KLHL29: variants seen among roughly 807,000 people sequenced by gnomAD.
KLHL29 encodes kelch-like protein 29.
A neutral mutation model predicts 80.4 loss-of-function variants in KLHL29; 21 were observed. That is an observed-to-expected ratio of 0.26 (90% CI 0.19 to 0.38). KLHL29 has a LOEUF of 0.38. Ranked by LOEUF, KLHL29 falls within the 10% of genes least tolerant of loss-of-function variation. KLHL29 has a pLI of 1.00. For missense variants in KLHL29, 867 were observed against 1,223.9 expected (o/e 0.71, Z 4.35); for synonymous variants, 511 against 526.8 (o/e 0.97, Z 0.41).
At chr2:23,642,977 C>A in intron 5 of KLHL29, 127 bp downstream of exon 5, 1 of 1,134,756 alleles carries the variant, frequency 8.8e-7, no homozygotes, top group Non-Finnish European at 1.3e-6. Context: ...AACCCAGAGG[C>A]TGCAGTGGAG....
chr2:23,581,955 G>C (rs1667995493), intron 3 of KLHL29, among the ~76,000 whole-genome samples: 1 of 151,968 alleles, frequency 6.6e-6, no homozygotes, highest in South Asian at 2.1e-4. Context: ...CATCAAGTGG[G>C]TTGCTTTCTG....
Position 23,596,487 on chromosome 2 carries a change from G to A in KLHL29, c.285+34006G>A, listed in dbSNP as rs540692131. Among the ~76,000 whole-genome samples, 1 of 152,274 alleles carries A rather than the reference G, an allele frequency of 6.6e-6. No individual in the cohort carries two copies. The highest frequency in any genetic ancestry group is 2.4e-5 in the African/African-American group (1 of 41,564). ...ACAGAGTCACTAGGAGGCTCGCTGTGATTTATCAGGGGCCATGCCACACTG... is the reference window on the plus strand; with the variant it reads ...ACAGAGTCACTAGGAGGCTCGCTGTAATTTATCAGGGGCCATGCCACACTG... On this transcript the variant is annotated intron_variant, in intron 3 of 13. Transcript: ENST00000486442. This position sits in a 1 kb window ranked among gnomAD's most constrained non-coding sequence, Gnocchi z 4.4.
chr2:23,648,387 C>T (rs1246059926), intron 5 of KLHL29, among the ~76,000 whole-genome samples: 2 of 152,150 alleles, frequency 1.3e-5, no homozygotes, highest in African/African-American at 2.4e-5. Flanking sequence ...GTACCAGGGC[C>T]ATCTTTCAGT....
intron 5 of KLHL29, among the ~76,000 whole-genome samples, chr2:23,648,269 C>G (rs138762526): frequency 6.6e-6 from 1 of 152,118 alleles, no homozygotes; most frequent in Non-Finnish European, 1.5e-5. Context: ...GACTAGAACC[C>G]ACTTCTTACA....
chr2:23,686,815 G>A (rs1484597271), intron 6 of KLHL29, among the ~76,000 whole-genome samples: 3 of 152,178 alleles, frequency 2.0e-5, no homozygotes, highest in Non-Finnish European at 4.4e-5. Flanking sequence ...TCAGCATACA[G>A]TAAGGTCACA....
rs530906300 is a variant in KLHL29 at position 23,551,025 on chromosome 2, G to A, written c.-45-11127G>A. ...CGGGGCTGGAGTTTTCAGTGTTTGC[G>A]TCCTTGTGGAGCCACGAGAACAAGC... On this transcript the variant is annotated intron_variant, in intron 2 of 13. Transcript: ENST00000486442. Among the ~76,000 whole-genome samples the A allele has an allele frequency of 1.1e-4, 16 of 152,360 alleles. No homozygotes were observed. In the South Asian group the frequency reaches 1.7e-3, roughly 16 times the overall value.
intron 3 of KLHL29, among the ~76,000 whole-genome samples, chr2:23,573,791 G>T (rs896232600): frequency 6.6e-6 from 1 of 152,186 alleles, no homozygotes; most frequent in Non-Finnish European, 1.5e-5. Flanking sequence ...GGTGCATGAT[G>T]CTTGGGGACC....
intron 1 of KLHL29, among the ~76,000 whole-genome samples, chr2:23,386,867 C>A (rs1323952697): frequency 6.6e-6 from 1 of 152,092 alleles, no homozygotes; most frequent in Admixed American, 6.5e-5. Flanking sequence ...CGCTGCCTGC[C>A]TGCGGCCAGC....
Position 23,552,199 on chromosome 2 carries a change from G to C in KLHL29, c.-45-9953G>C, listed in dbSNP as rs375315946. Among the ~76,000 whole-genome samples the C allele has an allele frequency of 3.9e-5, 6 of 152,272 alleles. No individual in the cohort carries two copies. In the East Asian group the frequency reaches 7.7e-4, roughly 20 times the overall value. The stretch of plus-strand genomic sequence containing the variant: ...GTGTAACTGAAACTTCGTGTCTTGA[G>C]ACCAGCACCTCCCGTTTAAGTGCTC... On this transcript the variant is annotated intron_variant, in intron 2 of 13. Coordinates refer to ENST00000486442, the MANE Select transcript of KLHL29 (RefSeq NM_052920.2).
chr2:23,559,791 G>A (rs1667403484), intron 2 of KLHL29, among the ~76,000 whole-genome samples: 1 of 152,118 alleles, frequency 6.6e-6, no homozygotes, highest in East Asian at 1.9e-4. Context: ...TATCCAGAAA[G>A]AGGGGATGGA....
chr2:23,678,504 T>G (rs1670983417), intron 5 of KLHL29, among the ~76,000 whole-genome samples: 2 of 152,206 alleles, frequency 1.3e-5, no homozygotes, highest in Admixed American at 1.3e-4. Flanking sequence ...AAATGAGTTG[T>G]CCCAGATGAG....
chr2:23,649,402 A>C (rs1670028151), intron 5 of KLHL29, among the ~76,000 whole-genome samples: 1 of 152,158 alleles, frequency 6.6e-6, no homozygotes, highest in Non-Finnish European at 1.5e-5. Context: ...GGGCTTGTTC[A>C]TCAGTAATTG....
At chr2:23,574,786 A>G (rs1038031783) in intron 3 of KLHL29, among the ~76,000 whole-genome samples, 2 of 152,222 alleles carry the variant, frequency 1.3e-5, no homozygotes, top group African/African-American at 4.8e-5. Context: ...GAGAGAAGCA[A>G]TGTCTGAGCA....
chr2:23,498,907 G>A (rs1665350881), intron 2 of KLHL29, among the ~76,000 whole-genome samples: 1 of 152,208 alleles, frequency 6.6e-6, no homozygotes, highest in African/African-American at 2.4e-5. Context: ...TTCCATTGCT[G>A]AAAGTGACAG....
At chr2:23,638,539 G>A (rs763921041) in intron 3 of KLHL29, among the ~76,000 whole-genome samples, 1 of 152,102 alleles carries the variant, frequency 6.6e-6, no homozygotes, top group Non-Finnish European at 1.5e-5. Context: ...AGCTATCCCC[G>A]CCATGGGCCT....
At chr2:23,553,426 G>C (rs1311000691) in intron 2 of KLHL29, among the ~76,000 whole-genome samples, 1 of 152,210 alleles carries the variant, frequency 6.6e-6, no homozygotes, top group Non-Finnish European at 1.5e-5. Flanking sequence ...TCAGCCTGGG[G>C]CACTCCAGAG....
At chr2:23,674,779 A>G (rs1670877782) in intron 5 of KLHL29, among the ~76,000 whole-genome samples, 1 of 143,630 alleles carries the variant, frequency 7.0e-6, no homozygotes, top group Non-Finnish European at 1.5e-5. Flanking sequence ...GGACCAAGGC[A>G]CCTCAGGACA....
chr2:23,443,199 A>C (rs1350108388), intron 1 of KLHL29, among the ~76,000 whole-genome samples: 4 of 152,176 alleles, frequency 2.6e-5, no homozygotes, highest in Non-Finnish European at 4.4e-5. Context: ...ATGTGCATGC[A>C]TATCTATGTA....
At chr2:23,432,077 A>G (rs892760566) in intron 1 of KLHL29, among the ~76,000 whole-genome samples, 1 of 152,156 alleles carries the variant, frequency 6.6e-6, no homozygotes, top group Admixed American at 6.6e-5. Flanking sequence ...AGTTTCCTCA[A>G]TCTCTTTCTT....
Sources: allele counts gnomAD v4.1 joint callset (sites outside exome capture counted in the v4.1 genomes callset), GRCh38; gene constraint gnomAD v4.1.1; non-coding constraint Gnocchi (gnomAD v3.1); transcripts MANE v1.5; gene names NCBI Gene and HGNC (gene_info 2026-07-23, HGNC 2026-07-21).